Variants in SYT1 observed in about 807,000 individuals in gnomAD.
The protein encoded by SYT1 is synaptotagmin-1.
SYT1 carries 8 observed loss-of-function variants against 44.8 expected under a neutral mutation model. The observed-to-expected ratio is 0.18, with a 90% CI of 0.10 to 0.32. The LOEUF is 0.32. SYT1 is among the 10% of genes least tolerant of loss of function. SYT1 has a pLI of 1.00. For synonymous variants in SYT1, 154 were observed against 188.8 expected, an observed-to-expected ratio of 0.82 and a Z score of 1.51; for missense variants, 286 against 509.3, an observed-to-expected ratio of 0.56 and a Z score of 4.22.
intron 3 of SYT1, among the ~76,000 whole-genome samples, chr12:79,081,031 T>C (rs1876999094): frequency 6.6e-6 from 1 of 152,152 alleles, no homozygotes; most frequent in African/African-American, 2.4e-5. Context: ...TAGAGCTATA[T>C]GTTAGGTCAG....
chr12:79,224,459 AG>A (rs1875367061), intron 4 of SYT1, among the ~76,000 whole-genome samples: 2 of 152,124 alleles, frequency 1.3e-5, no homozygotes, highest in Non-Finnish European at 1.5e-5. Flanking sequence ...GGAGATCTGA[AG>A]GAAGTGGAGG....
At chr12:79,369,425 C>T (rs1399664637) in intron 9 of SYT1, among the ~76,000 whole-genome samples, 1 of 152,168 alleles carries the variant, frequency 6.6e-6, no homozygotes, top group Non-Finnish European at 1.5e-5. Flanking sequence ...CATGATCACT[C>T]ATACTGCCAC....
intron 1 of SYT1, among the ~76,000 whole-genome samples, chr12:78,956,292 G>C (rs1879213376): frequency 2.0e-5 from 3 of 151,984 alleles, no homozygotes; most frequent in Admixed American, 2.0e-4. Flanking sequence ...ATAAAACACA[G>C]ACAAATAATC....
intron 3 of SYT1, among the ~76,000 whole-genome samples, chr12:79,141,180 T>C (rs886543662): frequency 6.6e-6 from 1 of 152,352 alleles, no homozygotes; most frequent in East Asian, 1.9e-4. Context: ...ATGATGTTTA[T>C]TCATACTCGT....
intron 3 of SYT1, among the ~76,000 whole-genome samples, chr12:79,049,834 T>A (rs1398247852): frequency 6.6e-6 from 1 of 151,990 alleles, no homozygotes; most frequent in Non-Finnish European, 1.5e-5. Context: ...TAAGAACAAG[T>A]TGATAATTGA....
At chr12:78,958,111 A>C (rs1187937596) in intron 1 of SYT1, among the ~76,000 whole-genome samples, 2 of 152,162 alleles carry the variant, frequency 1.3e-5, no homozygotes. Flanking sequence ...GAAAGTTATA[A>C]GATAAAGATT....
intron 3 of SYT1, among the ~76,000 whole-genome samples, chr12:79,154,784 G>A (rs1486731576): frequency 6.6e-6 from 1 of 152,068 alleles, no homozygotes; most frequent in African/African-American, 2.4e-5. Flanking sequence ...AAGTTTAGAG[G>A]GAAAAGCATA....
intron 3 of SYT1, among the ~76,000 whole-genome samples, chr12:79,138,486 T>C (rs989690489): frequency 2.6e-5 from 4 of 152,214 alleles, no homozygotes; most frequent in African/African-American, 9.7e-5. Context: ...CTATCTTAAT[T>C]CATAAATAGA....
intron 8 of SYT1, among the ~76,000 whole-genome samples, chr12:79,340,897 A>T (rs1435638197): frequency 6.6e-6 from 1 of 152,218 alleles, no homozygotes; most frequent in Non-Finnish European, 1.5e-5. Flanking sequence ...TCCACTAAAA[A>T]GTCACAGTAG....
At chr12:78,868,874 A>G (rs1873679500) in intron 1 of SYT1, 2 of 151,820 alleles carry the variant, frequency 1.3e-5, no homozygotes, top group Non-Finnish European at 3.0e-5. Context: ...CATGATTGAA[A>G]AAACTCTCAG....
At chr12:78,927,125 A>G (rs1009996037) in intron 1 of SYT1, among the ~76,000 whole-genome samples, 4 of 152,010 alleles carry the variant, frequency 2.6e-5, no homozygotes, top group African/African-American at 9.7e-5. Context: ...GCTCCTCAGG[A>G]CCCAAGTCCT....
chr12:79,070,218 C>A (rs1876172820), intron 3 of SYT1, among the ~76,000 whole-genome samples: 1 of 152,060 alleles, frequency 6.6e-6, no homozygotes, highest in African/African-American at 2.4e-5. Context: ...GATACATGTC[C>A]ATCAGTGTGA....
intron 9 of SYT1, among the ~76,000 whole-genome samples, chr12:79,383,525 G>A (rs1884309858): frequency 6.7e-6 from 1 of 149,392 alleles, no homozygotes; most frequent in South Asian, 2.1e-4. Flanking sequence ...AATAAAAAGT[G>A]GGTTTTTTTC....
At chr12:79,166,833 T>C (rs1281343279) in intron 3 of SYT1, among the ~76,000 whole-genome samples, 4 of 152,136 alleles carry the variant, frequency 2.6e-5, no homozygotes, top group African/African-American at 9.6e-5. Context: ...ACTTGGTAGT[T>C]GAAAAAACTC....
At chr12:79,372,307 A>C (rs1336798173) in intron 9 of SYT1, among the ~76,000 whole-genome samples, 1 of 152,248 alleles carries the variant, frequency 6.6e-6, no homozygotes, top group Non-Finnish European at 1.5e-5. Context: ...GTATGAACTG[A>C]ATTGAAGTAA....
intron 2 of SYT1, among the ~76,000 whole-genome samples, chr12:78,979,836 T>C (rs1869113875): frequency 6.6e-6 from 1 of 152,100 alleles, no homozygotes; most frequent in Admixed American, 6.6e-5. Flanking sequence ...GTATCATTCA[T>C]TAGTATTTTC....
At chr12:79,103,554 A>G (rs1258728827) in intron 3 of SYT1, among the ~76,000 whole-genome samples, 1 of 152,080 alleles carries the variant, frequency 6.6e-6, no homozygotes, top group Non-Finnish European at 1.5e-5. Context: ...TCTTTTATGT[A>G]AGTAAATATG....
intron 3 of SYT1, among the ~76,000 whole-genome samples, chr12:79,123,981 T>G (rs183837271): frequency 5.8e-4 from 89 of 152,350 alleles, no homozygotes; most frequent in African/African-American, 2.1e-3. Context: ...CTTGTGTTTT[T>G]GGCTAACATT....
intron 1 of SYT1, among the ~76,000 whole-genome samples, chr12:78,895,241 T>TA (rs147783551): frequency 0.082 from 12,456 of 151,590 alleles, 606 homozygotes; most frequent in African/African-American, 0.13. Context: ...TGAGCAAAGA[T>TA]AAAAAAGTGT....
Sources: gnomAD v4.1 joint callset for allele counts (sites outside exome capture counted in the v4.1 genomes callset) on GRCh38, gnomAD v4.1.1 for gene constraint, MANE v1.5 for transcripts, NCBI Gene and HGNC (gene_info 2026-07-23, HGNC 2026-07-21) for gene names.